The following GALK2 variants were observed in gnomAD, a reference collection of about 807,000 sequenced individuals.
The protein encoded by GALK2 is N-acetylgalactosamine kinase.
A neutral mutation model predicts 52.4 loss-of-function variants in GALK2; 36 were observed. The ratio of observed to expected loss-of-function variants is 0.69; its 90% CI spans 0.53 to 0.91. The LOEUF is 0.91. GALK2 is among the 40% of genes least tolerant of loss of function. The pLI is 0.00. For synonymous variants in GALK2, 176 were observed against 199.1 expected (o/e 0.88, Z 0.98); for missense variants, 579 against 559.1 (o/e 1.04, Z -0.36).
At chr15:49,268,037 A>T (rs760886497) in intron 5 of GALK2, among the ~76,000 whole-genome samples, 19 of 152,174 alleles carry the variant, frequency 1.2e-4, no homozygotes, top group Non-Finnish European at 2.5e-4. Flanking sequence ...TTGTCTCTGA[A>T]TATGGTGGGT....
At chr15:49,325,731 G>A (rs1247423105) in intron 9 of GALK2, among the ~76,000 whole-genome samples, 1 of 152,170 alleles carries the variant, frequency 6.6e-6, no homozygotes, top group African/African-American at 2.4e-5. Flanking sequence ...TGGGAAATTT[G>A]AGCCCTGATT....
intron 3 of GALK2, among the ~76,000 whole-genome samples, chr15:49,345,553 A>C (rs879269014): frequency 2.6e-5 from 4 of 152,244 alleles, no homozygotes; most frequent in Non-Finnish European, 5.9e-5. Flanking sequence ...CATTATGAAC[A>C]ATGGTTATAT....
rs1306703029 is a variant in GALK2, at chr15:49,283,779, GTTCTCTATTACT to G, written c.756+64_756+75del. On this transcript the variant is annotated intron_variant, in intron 7 of 9. Coordinates refer to ENST00000560031, the MANE Select transcript of GALK2 (RefSeq NM_002044.4). ...GGTTTTTCTTGTCTTTATTTTCATT[GTTCTCTATTACT>G]TTATCTCTTTCCCCAAATTTTAGGG... 1.6e-5 allele frequency: 25 copies of G among 1,554,854 alleles called. No individual in the cohort carries two copies. The African/African-American group carries it at 3.4e-4, about 21-fold the overall frequency.
At chr15:49,342,800 A>G (rs2040934550) in intron 3 of GALK2, among the ~76,000 whole-genome samples, 1 of 152,160 alleles carries the variant, frequency 6.6e-6, no homozygotes, top group African/African-American at 2.4e-5. Context: ...GTTTGGTGGG[A>G]TATTAAATTC....
At chr15:49,359,828 TG>T (rs980214760) in intron 3 of GALK2, among the ~76,000 whole-genome samples, 29 of 138,604 alleles carry the variant, frequency 2.1e-4, no homozygotes, top group African/African-American at 7.9e-4. Flanking sequence ...AGCAAAGACT[TG>T]GAACCAACCC....
upstream of GALK2, among the ~76,000 whole-genome samples, chr15:49,168,698 A>G (rs902661170): frequency 1.3e-4 from 20 of 151,558 alleles, no homozygotes; most frequent in Non-Finnish European, 2.2e-4. Flanking sequence ...AGCCTGGGCA[A>G]CAAAGAGCGA....
chr15:49,220,197 A>G (rs1421473313), intron 3 of GALK2, among the ~76,000 whole-genome samples: 1 of 151,750 alleles, frequency 6.6e-6, no homozygotes, highest in Non-Finnish European at 1.5e-5. Context: ...GCTATAGACC[A>G]TTAGAACTTA....
chr15:49,175,510 T>A (rs2085377356), intron 1 of GALK2, among the ~76,000 whole-genome samples: 1 of 152,140 alleles, frequency 6.6e-6, no homozygotes, highest in East Asian at 1.9e-4. Flanking sequence ...GTTTCTCAGA[T>A]CACAAATGGG....
chr15:49,218,385 G>A (rs1477024282), intron 3 of GALK2, among the ~76,000 whole-genome samples: 1 of 152,116 alleles, frequency 6.6e-6, no homozygotes, highest in Middle Eastern at 3.2e-3. Flanking sequence ...TCTTGATTTA[G>A]TAAAATTTAC....
chr15:49,180,370 T>C (rs1318331503), intron 1 of GALK2, among the ~76,000 whole-genome samples: 1 of 152,254 alleles, frequency 6.6e-6, no homozygotes, highest in Non-Finnish European at 1.5e-5. Context: ...TTTTCCCACA[T>C]TTAATTGTAC....
At chr15:49,172,030 C>T (rs1186501255) in intron 1 of GALK2, among the ~76,000 whole-genome samples, 1 of 152,170 alleles carries the variant, frequency 6.6e-6, no homozygotes, top group Non-Finnish European at 1.5e-5. Context: ...GTCTCAGCCT[C>T]CCAAATTGCT....
intron 2 of GALK2, among the ~76,000 whole-genome samples, chr15:49,212,698 T>A (rs78431669): frequency 0.022 from 3,377 of 152,268 alleles, 101 homozygotes; most frequent in South Asian, 0.077. Flanking sequence ...TGATCTGTTG[T>A]CTTTTCACTC....
intron 1 of GALK2, among the ~76,000 whole-genome samples, chr15:49,174,165 G>T (rs2085286183): frequency 6.6e-6 from 1 of 151,988 alleles, no homozygotes; most frequent in African/African-American, 2.4e-5. Context: ...ACATCCTTGT[G>T]TACATATACA....
At chr15:49,273,115 A>G (rs1001838575) in intron 5 of GALK2, among the ~76,000 whole-genome samples, 13 of 152,190 alleles carry the variant, frequency 8.5e-5, no homozygotes, top group African/African-American at 3.1e-4. Context: ...ACACTTTCTG[A>G]GCCCATTGAG....
At chr15:49,361,814 A>G (rs8024378) in intron 3 of GALK2, among the ~76,000 whole-genome samples, 24,551 of 152,108 alleles carry the variant, frequency 0.16, 3,124 homozygotes, top group African/African-American at 0.35. Flanking sequence ...TCTTTGAGAA[A>G]TTGCCAAACT....
At chr15:49,213,572 A>AT (rs201959955) in intron 2 of GALK2, among the ~76,000 whole-genome samples, 146 of 150,084 alleles carry the variant, frequency 9.7e-4, no homozygotes, top group African/African-American at 3.4e-3. Context: ...ATTTTATTTT[A>AT]TTTTTTTTGG....
chr15:49,239,098 G>C, intron 4 of GALK2, 123 bp from the exon 5 acceptor site: 1 of 728,782 alleles, frequency 1.4e-6, no homozygotes, highest in East Asian at 2.7e-5. Flanking sequence ...AATTGCATAA[G>C]TAGTTTCTAT....
At chr15:49,235,297 AAG>A (rs2090741871) in intron 3 of GALK2, among the ~76,000 whole-genome samples, 1 of 152,198 alleles carries the variant, frequency 6.6e-6, no homozygotes, top group African/African-American at 2.4e-5. Context: ...TACCATAATA[AAG>A]AGTTTTTCTT....
chr15:49,305,439 G>T (rs994026062), intron 8 of GALK2, among the ~76,000 whole-genome samples: 1 of 152,128 alleles, frequency 6.6e-6, no homozygotes, highest in Non-Finnish European at 1.5e-5. Flanking sequence ...CTTTAGAAAG[G>T]ATTAGAATGG....
Sources: gnomAD v4.1 joint callset for allele counts (sites outside exome capture counted in the v4.1 genomes callset) on GRCh38, gnomAD v4.1.1 for gene constraint, MANE v1.5 for transcripts, NCBI Gene and HGNC (gene_info 2026-07-23, HGNC 2026-07-21) for gene names.